KAZN: variants seen among roughly 807,000 people sequenced by gnomAD.
KAZN encodes kazrin, periplakin interacting protein.
KAZN carries 40 observed loss-of-function variants against 87.4 expected under a neutral mutation model. That is an observed-to-expected ratio of 0.46 (90% confidence interval 0.36 to 0.60). The LOEUF (loss-of-function observed/expected upper bound fraction) is 0.60, where lower values mean the gene tolerates loss of function less well. KAZN is among the 20% of genes least tolerant of loss of function. The probability of loss-of-function intolerance (pLI) is 0.00; values close to 1 mark genes in which losing one functional copy is unlikely to be tolerated. For synonymous variants in KAZN, 466 were observed against 458.3 expected, an observed-to-expected ratio of 1.02 and a Z score of -0.22; for missense variants, 898 against 1,073.9, an observed-to-expected ratio of 0.84 and a Z score of 2.29.
intron 2 of KAZN, among the ~76,000 whole-genome samples, chr1:14,400,580 A>AC (rs1270077275): frequency 6.6e-6 from 1 of 152,236 alleles, no homozygotes; most frequent in Non-Finnish European, 1.5e-5. Context: ...TGAATGGGTT[A>AC]CTGTCTCCAG....
intron 1 of KAZN, among the ~76,000 whole-genome samples, chr1:14,921,177 C>CAT (rs1412025670): frequency 1.3e-5 from 2 of 151,756 alleles, no homozygotes; most frequent in Non-Finnish European, 1.5e-5. Context: ...CACACACACA[C>CAT]ACACACACAC....
rs141066204 is a variant in KAZN, at chr1:14,740,315, G to A, written c.226+141092G>A. Reference sequence around the variant, plus strand: ...TTTCTGGGCAGGACGCCTCTAAACCGATGCAGAGAAAACTTGGTGGAGGGA... The same window carrying A: ...TTTCTGGGCAGGACGCCTCTAAACCAATGCAGAGAAAACTTGGTGGAGGGA... On this transcript the variant is annotated intron_variant, in intron 1 of 14. Transcript: ENST00000376030. Among the ~76,000 whole-genome samples, 6 of 152,258 alleles carry A rather than the reference G, an allele frequency of 3.9e-5. No homozygotes were observed. The East Asian group carries it at 1.2e-3, about 29-fold the overall frequency.
At chr1:14,788,486 C>T (rs1055756022) in intron 1 of KAZN, among the ~76,000 whole-genome samples, 3 of 151,860 alleles carry the variant, frequency 2.0e-5, no homozygotes, top group Non-Finnish European at 4.4e-5. Flanking sequence ...AGAATAGTCT[C>T]TGTCCAAGAA....
In KAZN at chr1:15,099,908, C is replaced by T. The variant is rs1213965670; in HGVS notation, c.1548-1635C>T. 2.0e-5 allele frequency among the ~76,000 whole-genome samples: 3 copies of T among 152,152 alleles called. No homozygotes were observed. The highest frequency in any genetic ancestry group is 1.9e-4 in the East Asian group (1 of 5,194). ...AGGATGCACTGACCAGAGTGACCGACAGACAAGGACGGGCTATCAGCTTGG... is the reference window on the plus strand; with the variant it reads ...AGGATGCACTGACCAGAGTGACCGATAGACAAGGACGGGCTATCAGCTTGG... On this transcript the variant is annotated intron_variant, in intron 10 of 14. Transcript: ENST00000376030. The surrounding 1 kb of genome is among the most constrained non-coding windows in gnomAD (Gnocchi z 5.4).
chr1:14,821,663 C>A (rs148331655), intron 1 of KAZN, among the ~76,000 whole-genome samples: 136 of 152,188 alleles, frequency 8.9e-4, no homozygotes, highest in African/African-American at 3.2e-3. Context: ...AGAAGACAGC[C>A]GTCTACAAGC....
intron 4 of KAZN, among the ~76,000 whole-genome samples, chr1:15,046,651 C>A (rs1458964652): frequency 6.6e-6 from 1 of 152,168 alleles, no homozygotes; most frequent in East Asian, 1.9e-4. Context: ...AAGGGCCAGG[C>A]CCCAGGACAG....
chr1:14,169,888 C>T (rs1339381196), intron 1 of KAZN, among the ~76,000 whole-genome samples: 1 of 152,158 alleles, frequency 6.6e-6, no homozygotes, highest in Non-Finnish European at 1.5e-5. Context: ...CTATTAGACA[C>T]AGCTAATAGC....
chr1:14,438,618 G>A (rs936969727), intron 2 of KAZN, among the ~76,000 whole-genome samples: 3 of 152,214 alleles, frequency 2.0e-5, no homozygotes, highest in Non-Finnish European at 2.9e-5. Flanking sequence ...CAAACAGCAC[G>A]TGGTATGAGC....
intron 1 of KAZN, among the ~76,000 whole-genome samples, chr1:13,944,157 G>A (rs12133024): frequency 0.13 from 19,471 of 152,170 alleles, 1,308 homozygotes; most frequent in South Asian, 0.21. Flanking sequence ...AGAGAAGTGT[G>A]GCATATCATA....
intron 4 of KAZN, among the ~76,000 whole-genome samples, chr1:15,048,650 G>T: frequency 6.7e-6 from 1 of 148,216 alleles, no homozygotes; most frequent in East Asian, 2.0e-4. Flanking sequence ...TCGGTCCTGG[G>T]TCGTCGGTCC....
At chr1:14,178,869 AC>A (rs1270510207) in intron 1 of KAZN, among the ~76,000 whole-genome samples, 3 of 152,150 alleles carry the variant, frequency 2.0e-5, no homozygotes, top group African/African-American at 7.2e-5. Flanking sequence ...TTCATGGCTT[AC>A]TTTTAAGCTC....
In KAZN at chr1:14,295,873, G is replaced by A. The variant is rs537381847; in HGVS notation, c.249+115281G>A. Among the ~76,000 whole-genome samples, 53 of 152,224 alleles carry A rather than the reference G, an allele frequency of 3.5e-4. 1 individual carries two copies. The South Asian group carries it at 3.5e-3, about 10-fold the overall frequency. The stretch of plus-strand genomic sequence containing the variant: ...CTCCTTAGCTAGATCACGGGGTACT[G>A]TCTGCCTCTTCTGGAGTTCAACAGA... On this transcript the variant is annotated intron_variant, in intron 2 of 16. Coordinates refer to the KAZN transcript ENST00000636203.
Position 14,421,563 on chromosome 1 carries a change from A to G in KAZN, c.250-177420A>G, listed in dbSNP as rs530580949. The stretch of plus-strand genomic sequence containing the variant: ...CAGTGGCAAACTGTGATTCTGAGAC[A>G]TTGTGGGTTCAATAAAGCATGTTTC... On this transcript the variant is annotated intron_variant, in intron 2 of 16. Transcript: ENST00000636203. 7.8e-4 allele frequency among the ~76,000 whole-genome samples: 119 copies of G among 152,294 alleles called. 3 individuals are homozygous for G. Among genetic ancestry groups the G allele is most frequent in the Admixed American group, 3.9e-4 (6 of 15,300 alleles).
chr1:14,864,540 C>T (rs1295576540), intron 1 of KAZN, among the ~76,000 whole-genome samples: 1 of 151,990 alleles, frequency 6.6e-6, no homozygotes, highest in Non-Finnish European at 1.5e-5. Context: ...CCAGTGGGGG[C>T]GATAGATGGA....
intron 1 of KAZN, among the ~76,000 whole-genome samples, chr1:14,867,931 A>G (rs1651672999): frequency 1.5e-5 from 1 of 66,102 alleles, no homozygotes; most frequent in Non-Finnish European, 4.2e-5. Context: ...AGCAGTGGGC[A>G]GGCACAGCCT....
At chr1:14,940,636 A>T (rs1660951357) in intron 1 of KAZN, among the ~76,000 whole-genome samples, 1 of 152,132 alleles carries the variant, frequency 6.6e-6, no homozygotes, top group South Asian at 2.1e-4. Flanking sequence ...GTGGAGGAAG[A>T]GCTGCTGGAG....
At chr1:14,490,382 T>A (rs12032621) in intron 2 of KAZN, among the ~76,000 whole-genome samples, 4,637 of 152,370 alleles carry the variant, frequency 0.03, 184 homozygotes, top group East Asian at 0.16. Context: ...CTCCATCACA[T>A]TTCTTAAGAT....
At chr1:14,633,136 C>T (rs113336376) in intron 1 of KAZN, among the ~76,000 whole-genome samples, 1 of 152,174 alleles carries the variant, frequency 6.6e-6, no homozygotes, top group Admixed American at 6.5e-5. Flanking sequence ...AGGCTGGTCT[C>T]GAACTCCTGA....
chr1:14,310,183 C>G (rs2100808853), intron 2 of KAZN, among the ~76,000 whole-genome samples: 1 of 152,138 alleles, frequency 6.6e-6, no homozygotes, highest in South Asian at 2.1e-4. Flanking sequence ...TGAGCAGAAA[C>G]ATGAGGTGAG....
Sources: allele counts gnomAD v4.1 joint callset (sites outside exome capture counted in the v4.1 genomes callset), GRCh38; gene constraint gnomAD v4.1.1; non-coding constraint Gnocchi (gnomAD v3.1); transcripts MANE v1.5; gene names NCBI Gene and HGNC (gene_info 2026-07-23, HGNC 2026-07-21).